The following CRELD2 variants were observed in gnomAD, a reference collection of about 807,000 sequenced individuals.
The protein encoded by CRELD2 is CRELD disulfide isomerase 2.
In CRELD2, 33 loss-of-function variants were observed where a neutral mutation model predicts 48.1. The observed-to-expected ratio is 0.69, with a 90% CI of 0.52 to 0.92. CRELD2 has a LOEUF of 0.92. Among genes scored for constraint, CRELD2 ranks in the 40% least tolerant of loss-of-function variants. The pLI is 0.00. For synonymous variants in CRELD2, 220 were observed against 203.9 expected (o/e 1.08, Z -0.67); for missense variants, 477 against 482.4 (o/e 0.99, Z 0.10).
rs11545763 is a variant in CRELD2, at chr22:49,925,522, A to G, written c.974A>G (p.Glu325Gly). The G allele has an allele frequency of 0.1, 163,207 of 1,613,780 alleles. 8,795 individuals carry two copies. Among genetic ancestry groups the G allele is most frequent in the South Asian group, 0.13 (11,696 of 91,068 alleles). The part of the protein sequence containing the change: ...YVCVCPDGFE[E>G]TEDACVPPAE... Reference sequence around the variant, plus strand: ...TGTGTGTGTCCTGACGGCTTCGAAGAAACGGAAGATGCCTGTGTGCCGCCG... The same window carrying G: ...TGTGTGTGTCCTGACGGCTTCGAAGGAACGGAAGATGCCTGTGTGCCGCCG... The change falls in exon 9 of 10, where the codon GAA (glutamate) becomes GGA (glycine). Residue 325 changes from glutamate to glycine, a missense_variant. Transcript: ENST00000328268.
chr22:49,922,464 G>A, intron 5 of CRELD2, 148 bp from the exon 6 acceptor site: 2 of 1,562,836 alleles, frequency 1.3e-6, no homozygotes, highest in Non-Finnish European at 1.7e-6. Flanking sequence ...ATTCCTTGGA[G>A]TCCTGGTTTG....
intron 1 of CRELD2, 146 bp from the exon 2 acceptor site, chr22:49,919,084 C>A: frequency 1.1e-6 from 1 of 916,740 alleles, no homozygotes; most frequent in Non-Finnish European, 1.7e-6. Flanking sequence ...GAGTCCCCCT[C>A]ACCCTTGACC....
At position 49,918,843 on chromosome 22, in the gene CRELD2, C is replaced by T; in HGVS notation, c.74C>T (p.Ala25Val). Residue 25 changes from alanine to valine, a missense_variant, in exon 1 of 10, where the codon GCC (alanine) becomes GTC (valine). Transcript: ENST00000328268. ...CTGCTGCCGCCCGCGCCGGAGGCCGCCAAGAAGCCGACGCCCTGCCACCGG... is the reference window on the plus strand; with the variant it reads ...CTGCTGCCGCCCGCGCCGGAGGCCGTCAAGAAGCCGACGCCCTGCCACCGG... ...LLLLPPAPEA[A>V]KKPTPCHRCR... 7.5e-7 allele frequency: 1 copy of T among 1,324,612 alleles called. No individual in the cohort carries two copies. The highest frequency in any genetic ancestry group is 9.6e-7 in the Non-Finnish European group (1 of 1,041,176). The allele number at this position is 1,324,612 out of a possible 1,614,324, so 82.1% of individuals were successfully genotyped here.
intron 6 of CRELD2, among the ~76,000 whole-genome samples, 187 bp downstream of exon 6, chr22:49,922,894 A>C (rs1162651663): frequency 2.1e-5 from 1 of 46,998 alleles, no homozygotes; most frequent in Admixed American, 2.6e-4. Flanking sequence ...GTGGGGGAGC[A>C]TGAGGTGGGG....
chr22:49,920,698 A>G (rs7284417), intron 4 of CRELD2, among the ~76,000 whole-genome samples: 54,135 of 152,196 alleles, frequency 0.36, 13,662 homozygotes, highest in African/African-American at 0.72. Context: ...AATGGGTGCC[A>G]AGGGACAGGG....
At chr22:49,923,380 C>T (rs1488141610) in intron 7 of CRELD2, 63 bp downstream of exon 7, 10 of 1,272,958 alleles carry the variant, frequency 7.9e-6, no homozygotes, top group East Asian at 2.4e-5. Context: ...CCTTTGTCAA[C>T]ATTCATTTAT....
rs2060747775 is a variant in CRELD2, at chr22:49,925,219, C to T, written c.869-198C>T. On this transcript the variant is annotated intron_variant, in intron 8 of 9. Coordinates refer to ENST00000328268, the MANE Select transcript of CRELD2 (RefSeq NM_024324.5). ...CCTGGAGGTCTCTTCTCTGCATTTT[C>T]TACCAGTTGAGGGCCCAACTTGGAG... is the stretch of plus-strand genomic sequence containing the variant. The T allele has an allele frequency of 1.0e-5, 5 of 478,180 alleles. No individual in the cohort carries two copies. The South Asian group carries it at 1.4e-4, about 14-fold the overall frequency. The allele number at this position is 478,180 out of a possible 1,614,324, so 29.6% of individuals were successfully genotyped here. A position where few individuals can be genotyped will look rare whatever the true frequency, so the allele number is the denominator to read the frequency against.
At chr22:49,919,516 C>G (rs917109706) in intron 2 of CRELD2, among the ~76,000 whole-genome samples, 1 of 152,262 alleles carries the variant, frequency 6.6e-6, no homozygotes, top group African/African-American at 2.4e-5. Context: ...GTCCCTACCC[C>G]CTCAACAGAC....
rs745840668 is a variant in CRELD2 at position 49,920,299 on chromosome 22, TCTC to T, written c.415+53_415+55del. On this transcript the variant is annotated intron_variant, in intron 4 of 9. Transcript: ENST00000328268. ...TCTCCTACGTCACTTCCCCTCTTCT[TCTC>T]ATGATTCTTGGGAGGTAAAAGCACA... The T allele has an allele frequency of 1.2e-5, 15 of 1,271,462 alleles. No individual in the cohort carries two copies. In the African/African-American group the frequency reaches 1.9e-4, roughly 16 times the overall value. The allele number at this position is 1,271,462 out of a possible 1,614,324, so 78.8% of individuals were successfully genotyped here.
rs746138287 is a variant in CRELD2, at chr22:49,921,717, G to A, written c.548G>A (p.Gly183Asp). ...CCGCTGTGCACTGACTGCATGGACG[G>A]CTACTTCAGCTCGCTCCGGAACGAG... ...QGPLCTDCMD[G>D]YFSSLRNETH... Residue 183 changes from glycine to aspartate, a missense_variant, in exon 5 of 10, where the codon GGC (glycine) becomes GAC (aspartate). Gly to Asp is a moderately conservative substitution (Grantham distance 94, BLOSUM62 -1). Coordinates refer to ENST00000328268, the MANE Select transcript of CRELD2 (RefSeq NM_024324.5). 1.2e-6 allele frequency: 2 copies of A among 1,612,790 alleles called. No individual in the cohort carries two copies. The highest frequency in any genetic ancestry group is 2.2e-5 in the East Asian group (1 of 44,882).
Position 49,919,683 on chromosome 22 carries a change from C to T in CRELD2, c.213-47C>T, listed in dbSNP as rs745671726. On this transcript the variant is annotated intron_variant, in intron 2 of 9. Coordinates refer to ENST00000328268, the MANE Select transcript of CRELD2 (RefSeq NM_024324.5). ...GCGTATTGGTTCGGATTTTTCTTCA[C>T]TGCCTTGGAGGCGCTGACGGTGGGC... 1.1e-5 allele frequency: 16 copies of T among 1,447,326 alleles called. No homozygotes were observed. The South Asian group carries it at 1.8e-4, about 16-fold the overall frequency. The allele number at this position is 1,447,326 out of a possible 1,614,324, so 89.7% of individuals were successfully genotyped here. A position where few individuals can be genotyped will look rare whatever the true frequency, so the allele number is the denominator to read the frequency against.
At chr22:49,921,436 A>G (rs2060685715) in intron 4 of CRELD2, 149 bp from the exon 5 acceptor site, 1 of 808,444 alleles carries the variant, frequency 1.2e-6, no homozygotes, top group Non-Finnish European at 1.9e-6. Flanking sequence ...CCAGGAAATC[A>G]GTTTCCCCAA....
chr22:49,927,131 C>CCAGGCTCAAA, intron 9 of CRELD2, 124 bp from the exon 10 acceptor site: 1 of 838,944 alleles, frequency 1.2e-6, no homozygotes, highest in South Asian at 1.4e-5. Context: ...TGGATGGCTG[C>CCAGGCTCAAA]GTCCGGGGCT....
chr22:49,924,430 C>T lies in CRELD2; in HGVS notation c.843C>T (p.Tyr281=), dbSNP rs556187594. ...ACTGTAAAGAGTGTATCTCTGGCTA[C>T]GCGAGGGAGCACGGACAGTGTGCAG... The part of the protein sequence containing the change: ...PGNCKECISG[Y]AREHGQCADV... The change falls in exon 8 of 10, where the codon TAC becomes TAT. Residue 281 remains tyrosine (Y), a synonymous_variant. Coordinates refer to ENST00000328268, the MANE Select transcript of CRELD2 (RefSeq NM_024324.5). 14 of 1,610,368 alleles carry T rather than the reference C, an allele frequency of 8.7e-6. No homozygotes were observed. The highest frequency in any genetic ancestry group is 2.2e-5 in the East Asian group (1 of 44,764).
Position 49,919,750 on chromosome 22 carries a change from T to C in CRELD2, c.233T>C (p.Ile78Thr). ...TTCAGCGAGATTCGCCTGCTGGAGATCCTGGAGGGGCTGTGCGAGAGCAGC... is the reference window on the plus strand; with the variant it reads ...TTCAGCGAGATTCGCCTGCTGGAGACCCTGGAGGGGCTGTGCGAGAGCAGC... ...YESSEIRLLE[I>T]LEGLCESSDF... is the part of the protein sequence containing the mutation. The change falls in exon 3 of 10, where the codon ATC becomes ACC. Residue 78 changes from isoleucine to threonine, a missense_variant. Coordinates refer to ENST00000328268, the MANE Select transcript of CRELD2 (RefSeq NM_024324.5). The C allele has an allele frequency of 6.2e-7, 1 of 1,610,928 alleles. No individual in the cohort carries two copies. Among genetic ancestry groups the C allele is most frequent in the Non-Finnish European group, 8.5e-7 (1 of 1,178,896 alleles).
rs146895572 is a variant in CRELD2, at chr22:49,925,526, G to A, written c.978G>A (p.Thr326=). The change falls in exon 9 of 10, where the codon ACG becomes ACA. Residue 326 remains threonine (T), a synonymous_variant. Coordinates refer to ENST00000328268, the MANE Select transcript of CRELD2 (RefSeq NM_024324.5). ...TGTGTCCTGACGGCTTCGAAGAAAC[G>A]GAAGATGCCTGTGTGCCGCCGGCAG... ...VCVCPDGFEE[T]EDACVPPAEA... The A allele has an allele frequency of 6.3e-5, 101 of 1,613,924 alleles. No individual in the cohort carries two copies. The East Asian group carries it at 1.4e-3, about 23-fold the overall frequency.
intron 2 of CRELD2, 55 bp downstream of exon 2, chr22:49,919,367 C>T: frequency 4.0e-6 from 6 of 1,506,462 alleles, no homozygotes; most frequent in Non-Finnish European, 5.5e-6. Context: ...CCTGGGAAGT[C>T]GTGTCCTGCC....
chr22:49,927,398 G>C lies in CRELD2; in HGVS notation c.*91G>C. 2.0e-6 allele frequency: 2 copies of C among 998,650 alleles called. No homozygotes were observed. Among genetic ancestry groups the C allele is most frequent in the East Asian group, 4.8e-5 (2 of 41,834 alleles). The allele number at this position is 998,650 out of a possible 1,614,324, so 61.9% of individuals were successfully genotyped here. Reference sequence around the variant, plus strand: ...CCGTCTCCTGCAGTGGACAGCGGCGGGGAGAGGCTGCCTGCTCTCTAACGG... The same window carrying C: ...CCGTCTCCTGCAGTGGACAGCGGCGCGGAGAGGCTGCCTGCTCTCTAACGG... On this transcript the variant is annotated 3_prime_UTR_variant, in exon 10 of 10. Coordinates refer to ENST00000328268, the MANE Select transcript of CRELD2 (RefSeq NM_024324.5).
At chr22:49,920,293 T>C in intron 4 of CRELD2, 46 bp downstream of exon 4, 1 of 1,298,678 alleles carries the variant, frequency 7.7e-7, no homozygotes, top group Non-Finnish European at 1.1e-6. Context: ...TCACTTCCCC[T>C]CTTCTTCTCA....
Sources: allele counts gnomAD v4.1 joint callset (sites outside exome capture counted in the v4.1 genomes callset), GRCh38; gene constraint gnomAD v4.1.1; transcripts MANE v1.5; gene names NCBI Gene and HGNC (gene_info 2026-07-23, HGNC 2026-07-21).